Variants in FIGN observed in about 807,000 individuals in gnomAD.
The protein encoded by FIGN is fidgetin.
In FIGN, 11 loss-of-function variants were observed where a neutral mutation model predicts 51.3. That is an observed-to-expected ratio of 0.21 (90% CI 0.13 to 0.35). The LOEUF is 0.35. FIGN is among the 10% of genes least tolerant of loss of function. The probability of loss-of-function intolerance (pLI) is 1.00; values close to 1 mark genes in which losing one functional copy is unlikely to be tolerated. For synonymous variants in FIGN, 407 were observed against 363.2 expected, an observed-to-expected ratio of 1.12 and a Z score of -1.37; for missense variants, 857 against 943.6, an observed-to-expected ratio of 0.91 and a Z score of 1.20.
At chr2:163,659,256 T>C (rs1298458262) in intron 2 of FIGN, among the ~76,000 whole-genome samples, 2 of 152,226 alleles carry the variant, frequency 1.3e-5, no homozygotes, top group Non-Finnish European at 2.9e-5. Flanking sequence ...AAATATTTTC[T>C]GGAAGAGCCT....
chr2:163,702,065 A>G (rs902160999), intron 2 of FIGN, among the ~76,000 whole-genome samples: 1 of 152,134 alleles, frequency 6.6e-6, no homozygotes, highest in African/African-American at 2.4e-5. Flanking sequence ...ATATCTACCA[A>G]CACAAATTGA....
At chr2:163,728,175 C>A (rs7594520) in intron 2 of FIGN, among the ~76,000 whole-genome samples, 5 of 152,054 alleles carry the variant, frequency 3.3e-5, no homozygotes, top group African/African-American at 9.7e-5. Context: ...GTCTGCCCCC[C>A]CCTTCCTGTC....
intron 2 of FIGN, among the ~76,000 whole-genome samples, chr2:163,623,025 C>T (rs1682998956): frequency 6.6e-6 from 1 of 152,056 alleles, no homozygotes; most frequent in African/African-American, 2.4e-5. Flanking sequence ...ACACGAAAAC[C>T]CAACTCTGTC....
chr2:163,641,414 C>T (rs1156641276), intron 2 of FIGN, among the ~76,000 whole-genome samples: 1 of 152,174 alleles, frequency 6.6e-6, no homozygotes, highest in Non-Finnish European at 1.5e-5. Flanking sequence ...CACTGAATCA[C>T]ATAGCTTGAA....
In FIGN at chr2:163,735,148, A is replaced by G. The variant is rs1486649601; in HGVS notation, c.-145-76T>C. 5 of 526,882 alleles carry G rather than the reference A, an allele frequency of 9.5e-6. No individual in the cohort carries two copies. The East Asian group carries it at 9.9e-5, about 10-fold the overall frequency. 32.6% of individuals were successfully genotyped at this position (526,882 alleles called of 1,614,324 possible). On this transcript the variant is annotated intron_variant, in intron 1 of 2. Coordinates refer to ENST00000333129, the MANE Select transcript of FIGN (RefSeq NM_018086.4). Reference sequence around the variant, plus strand: ...CAGATCACAGGAGAAGAAAGAAAGGAAAAAAAGCACATGACCAGGAATGCA... The same window carrying G: ...CAGATCACAGGAGAAGAAAGAAAGGGAAAAAAGCACATGACCAGGAATGCA...
rs142491047 is a variant in FIGN at position 163,690,583 on chromosome 2, CAGTCT to C, written c.25+44315_25+44319del. 1.7e-3 allele frequency among the ~76,000 whole-genome samples: 261 copies of C among 152,038 alleles called. 5 individuals are homozygous for C. In the East Asian group the frequency reaches 0.041, roughly 24 times the overall value. ...CATTTAGTATGATTATTAACAATAC[CAGTCT>C]AGTCTAGGCAACAGTACAGAACACA... On this transcript the variant is annotated intron_variant, in intron 2 of 2. Transcript: ENST00000333129.
intron 2 of FIGN, among the ~76,000 whole-genome samples, chr2:163,723,390 T>C (rs1026996832): frequency 2.6e-5 from 4 of 152,074 alleles, no homozygotes; most frequent in African/African-American, 9.7e-5. Flanking sequence ...AGCTTCATAA[T>C]AGAGAAACAC....
chr2:163,624,241 GATA>G (rs1400354893), intron 2 of FIGN, among the ~76,000 whole-genome samples: 4 of 151,848 alleles, frequency 2.6e-5, no homozygotes, highest in Non-Finnish European at 2.9e-5. Flanking sequence ...AAATTAGTCT[GATA>G]ATTAGCATGC....
At chr2:163,614,690 G>A (rs939583586) in intron 2 of FIGN, among the ~76,000 whole-genome samples, 3 of 151,980 alleles carry the variant, frequency 2.0e-5, no homozygotes, top group African/African-American at 4.8e-5. Context: ...ACATACGTAC[G>A]CACACATAAG....
At chr2:163,733,511 G>A (rs1684963435) in intron 2 of FIGN, among the ~76,000 whole-genome samples, 1 of 152,302 alleles carries the variant, frequency 6.6e-6, no homozygotes, top group Non-Finnish European at 1.5e-5. Context: ...TAACATCACA[G>A]AGGGAAATCG....
chr2:163,734,566 A>AAAC (rs1573981224), intron 2 of FIGN, among the ~76,000 whole-genome samples: 2 of 150,630 alleles, frequency 1.3e-5, no homozygotes, highest in Non-Finnish European at 3.0e-5. Context: ...TCAAAAAAAA[A>AAAC]AAAAAAAAAA....
At chr2:163,720,066 T>A (rs1684730931) in intron 2 of FIGN, among the ~76,000 whole-genome samples, 1 of 152,148 alleles carries the variant, frequency 6.6e-6, no homozygotes, top group African/African-American at 2.4e-5. Context: ...CACAGAAAAT[T>A]AAGCTGTAAA....
chr2:163,688,748 C>T (rs756487957), intron 2 of FIGN, among the ~76,000 whole-genome samples: 8 of 152,154 alleles, frequency 5.3e-5, no homozygotes, highest in Non-Finnish European at 7.3e-5. Flanking sequence ...CCAAAGTTAA[C>T]AACTCTGGAT....
Position 163,609,959 on chromosome 2 carries a change from C to G in FIGN, c.1873G>C (p.Val625Leu), listed in dbSNP as rs763361411. ...GGTTTACTGGTGGCACAAATTACTA[C>G]GATTTGGTCCTCAGCCGAAGTTAGT... The part of the protein sequence containing the change: ...TVLTSAEDQI[V>L]VICATSKPEE... The change falls in exon 3 of 3, where the codon GTA becomes CTA. Residue 625 changes from valine to leucine, a missense_variant. By Grantham distance (32) the Val-to-Leu change is conservative (BLOSUM62 1). This residue lies in a region of FIGN where 799 missense variants were observed against 849.5 expected (regional missense o/e 0.94). Transcript: ENST00000333129. The G allele has an allele frequency of 1.9e-6, 3 of 1,613,944 alleles. No individual in the cohort carries two copies. Among genetic ancestry groups the G allele is most frequent in the East Asian group, 2.2e-5 (1 of 44,880 alleles).
At chr2:163,668,324 C>A (rs1414173232) in intron 2 of FIGN, among the ~76,000 whole-genome samples, 2 of 152,056 alleles carry the variant, frequency 1.3e-5, no homozygotes, top group African/African-American at 4.8e-5. Flanking sequence ...TGAAGAAGAA[C>A]CAGTAAAGGA....
At chr2:163,703,464 T>G (rs574548705) in intron 2 of FIGN, among the ~76,000 whole-genome samples, 2 of 152,158 alleles carry the variant, frequency 1.3e-5, no homozygotes, top group African/African-American at 2.4e-5. Flanking sequence ...ACATTTTTCA[T>G]TTTCTATTTT....
In FIGN at chr2:163,610,324, A is replaced by G. The variant is rs1691212517; in HGVS notation, c.1508T>C (p.Leu503Ser). The G allele has an allele frequency of 1.2e-6, 2 of 1,614,066 alleles. No homozygotes were observed. The highest frequency in any genetic ancestry group is 2.7e-5 in the African/African-American group (2 of 74,926). The change falls in exon 3 of 3, where the codon TTA becomes TCA. Residue 503 changes from leucine to serine, a missense_variant. Transcript: ENST00000333129. ...CGCGTCTGACCTCAACACTGGCCAT[A>G]AAACCTCCTCTTTAATGACAGCCTT... ...LVKAVIKEEV[L>S]WPVLRSDAFS...
At chr2:163,696,519 T>C (rs1433214480) in intron 2 of FIGN, among the ~76,000 whole-genome samples, 1 of 152,180 alleles carries the variant, frequency 6.6e-6, no homozygotes, top group African/African-American at 2.4e-5. Flanking sequence ...TCTTTCATAT[T>C]CTCAGAGCAC....
chr2:163,611,621 AT>A lies in FIGN; in HGVS notation c.210del (p.Lys70AsnfsTer29), dbSNP rs749851531. ...SALTASNLLK[K>X]YAEKYSGILE... ...AAAATGCCGGAATACTTCTCTGCATATTTTTTTAGTAGGTTGGATGCAGTCA... is the reference window on the plus strand; with the variant it reads ...AAAATGCCGGAATACTTCTCTGCATATTTTTTAGTAGGTTGGATGCAGTCA... On this transcript the variant is annotated frameshift_variant, in exon 3 of 3. Transcript: ENST00000333129. LOFTEE classifies it high-confidence loss of function. The A allele has an allele frequency of 6.2e-7, 1 of 1,614,140 alleles. No homozygotes were observed. Among genetic ancestry groups the A allele is most frequent in the Admixed American group, 1.7e-5 (1 of 60,020 alleles).
Sources: gnomAD v4.1 joint callset for allele counts (sites outside exome capture counted in the v4.1 genomes callset) on GRCh38, gnomAD v4.1.1 for gene constraint, gnomAD v4.1.1 regional missense constraint, MANE v1.5 for transcripts, NCBI Gene and HGNC (gene_info 2026-07-23, HGNC 2026-07-21) for gene names.